Variants in NSMCE2 observed in about 807,000 individuals in gnomAD.
NSMCE2 encodes NSE2 SUMO ligase component of SMC5/6 complex.
A neutral mutation model predicts 23.8 loss-of-function variants in NSMCE2; 24 were observed. The ratio of observed to expected loss-of-function variants is 1.01; its 90% CI spans 0.73 to 1.42. The LOEUF (loss-of-function observed/expected upper bound fraction) is 1.42, where lower values mean the gene tolerates loss of function less well. Ranked by LOEUF, NSMCE2 falls within the 40% of genes most tolerant of loss-of-function variation. NSMCE2 has a pLI of 0.00. For synonymous variants in NSMCE2, 92 were observed against 94.1 expected (o/e 0.98, Z 0.13); for missense variants, 284 against 296.5 (o/e 0.96, Z 0.31).
chr8:125,217,305 C>T (rs1268909252), intron 5 of NSMCE2, among the ~76,000 whole-genome samples: 1 of 151,950 alleles, frequency 6.6e-6, no homozygotes, highest in East Asian at 1.9e-4. Context: ...TAGAGATCTT[C>T]ATAAGAAAAC....
chr8:125,357,886 G>T lies in NSMCE2; in HGVS notation c.626+68G>T, dbSNP rs565470406. ...AGTTACTCAGAGGTGGCGTGTTCACGCTAGAGGAAGAGGCACTTCAATGTC... is the reference window on the plus strand; with the variant it reads ...AGTTACTCAGAGGTGGCGTGTTCACTCTAGAGGAAGAGGCACTTCAATGTC... On this transcript the variant is annotated intron_variant, in intron 7 of 7. Transcript: ENST00000287437. 1.3e-4 allele frequency: 142 copies of T among 1,076,442 alleles called. 1 individual carries two copies. The highest frequency in any genetic ancestry group is 1.3e-3 in the Middle Eastern group (6 of 4,764). The allele number at this position is 1,076,442 out of a possible 1,614,324, so 66.7% of individuals were successfully genotyped here.
At chr8:125,275,196 A>C (rs978071384) in intron 5 of NSMCE2, among the ~76,000 whole-genome samples, 1 of 151,876 alleles carries the variant, frequency 6.6e-6, no homozygotes, top group Non-Finnish European at 1.5e-5. Flanking sequence ...CCATAGGAGA[A>C]TGTCTTTCTC....
At chr8:125,145,559 C>T (rs992170605) in intron 3 of NSMCE2, among the ~76,000 whole-genome samples, 6 of 152,076 alleles carry the variant, frequency 3.9e-5, no homozygotes, top group East Asian at 1.9e-4. Flanking sequence ...ATTTGATTAA[C>T]GAAAGCAAGG....
chr8:125,221,101 G>A (rs1824838265), intron 5 of NSMCE2, among the ~76,000 whole-genome samples: 2 of 152,084 alleles, frequency 1.3e-5, no homozygotes, highest in Non-Finnish European at 2.9e-5. Flanking sequence ...CATTTCCAAG[G>A]CATATAAATG....
chr8:125,355,568 C>T (rs537807584), intron 5 of NSMCE2, among the ~76,000 whole-genome samples: 2 of 152,112 alleles, frequency 1.3e-5, no homozygotes, highest in East Asian at 1.9e-4. Flanking sequence ...GGCATGGTGT[C>T]GTGCACCTAT....
intron 5 of NSMCE2, among the ~76,000 whole-genome samples, chr8:125,299,969 C>T (rs565290221): frequency 5.1e-4 from 77 of 151,624 alleles, no homozygotes; most frequent in Non-Finnish European, 9.4e-4. Flanking sequence ...CAGGTGCACG[C>T]CATCATGCTT....
At chr8:125,279,835 T>G (rs1226445023) in intron 5 of NSMCE2, among the ~76,000 whole-genome samples, 1 of 152,204 alleles carries the variant, frequency 6.6e-6, no homozygotes, top group Non-Finnish European at 1.5e-5. Context: ...CTTTGAGCCT[T>G]AAGTTTGCCC....
chr8:125,217,453 C>G (rs948162732), intron 5 of NSMCE2, among the ~76,000 whole-genome samples: 2 of 152,062 alleles, frequency 1.3e-5, no homozygotes, highest in Non-Finnish European at 2.9e-5. Flanking sequence ...CTCTGCCTCC[C>G]AGGTTCATGC....
Position 125,267,522 on chromosome 8 carries a change from A to T in NSMCE2, c.418+85266A>T, listed in dbSNP as rs75511192. Among the ~76,000 whole-genome samples, 66 of 152,328 alleles carry T rather than the reference A, an allele frequency of 4.3e-4. 1 individual carries two copies. In the East Asian group the frequency reaches 9.6e-3, roughly 22 times the overall value. On this transcript the variant is annotated intron_variant, in intron 5 of 7. Coordinates refer to ENST00000287437, the MANE Select transcript of NSMCE2 (RefSeq NM_173685.4). The stretch of plus-strand genomic sequence containing the variant: ...AGTACTTTGCCAGGCATGGTGGCTT[A>T]CACCTATGATCCTAGCACTTTGGAA...
At chr8:125,208,304 C>T (rs1156814409) in intron 5 of NSMCE2, among the ~76,000 whole-genome samples, 1 of 152,146 alleles carries the variant, frequency 6.6e-6, no homozygotes, top group African/African-American at 2.4e-5. Flanking sequence ...AATAAAACTA[C>T]AGCTGGTTTA....
At chr8:125,154,353 A>G (rs1821197640) in intron 4 of NSMCE2, among the ~76,000 whole-genome samples, 1 of 152,124 alleles carries the variant, frequency 6.6e-6, no homozygotes, top group South Asian at 2.1e-4. Context: ...CCTCAGAGGT[A>G]TGGGTCAACT....
intron 5 of NSMCE2, among the ~76,000 whole-genome samples, chr8:125,198,074 A>G (rs567020998): frequency 6.8e-4 from 104 of 152,204 alleles, no homozygotes; most frequent in Admixed American, 2.0e-4. Context: ...TTATCAGCTT[A>G]AGGAGATTTT....
intron 3 of NSMCE2, among the ~76,000 whole-genome samples, chr8:125,125,953 C>T (rs917684772): frequency 6.6e-6 from 1 of 152,092 alleles, no homozygotes; most frequent in Non-Finnish European, 1.5e-5. Context: ...ATTTTTGTAA[C>T]GAGCAGTAAA....
At chr8:125,131,970 TA>T in intron 3 of NSMCE2, among the ~76,000 whole-genome samples, 1 of 152,342 alleles carries the variant, frequency 6.6e-6, no homozygotes, top group South Asian at 2.1e-4. Context: ...AACAACATTG[TA>T]AAAGCTTTGC....
intron 3 of NSMCE2, among the ~76,000 whole-genome samples, chr8:125,134,351 G>A (rs1441879728): frequency 1.3e-5 from 2 of 152,118 alleles, no homozygotes; most frequent in Non-Finnish European, 2.9e-5. Context: ...AAGTATTATG[G>A]CAAGTCTGAA....
intron 5 of NSMCE2, among the ~76,000 whole-genome samples, chr8:125,288,471 G>GTTGA: frequency 6.6e-6 from 1 of 152,196 alleles, no homozygotes. Flanking sequence ...AGCTATTTCT[G>GTTGA]TTGATTGATT....
chr8:125,355,742 T>A (rs940706446), intron 5 of NSMCE2, among the ~76,000 whole-genome samples: 1 of 151,642 alleles, frequency 6.6e-6, no homozygotes, highest in African/African-American at 2.4e-5. Flanking sequence ...CTTTAACTTC[T>A]GTGCAAAATT....
intron 4 of NSMCE2, among the ~76,000 whole-genome samples, chr8:125,181,390 GAGAT>G (rs956504110): frequency 1.1e-4 from 17 of 152,118 alleles, no homozygotes; most frequent in African/African-American, 2.4e-4. Context: ...AATGGATAGC[GAGAT>G]AGATAGATGA....
intron 5 of NSMCE2, among the ~76,000 whole-genome samples, chr8:125,224,299 C>T (rs1042710291): frequency 3.3e-5 from 5 of 152,120 alleles, no homozygotes; most frequent in Non-Finnish European, 7.3e-5. Context: ...TATGCAGAAG[C>T]GTTTTAGTTT....
Sources: allele counts gnomAD v4.1 joint callset (sites outside exome capture counted in the v4.1 genomes callset), GRCh38; gene constraint gnomAD v4.1.1; transcripts MANE v1.5; gene names NCBI Gene and HGNC (gene_info 2026-07-23, HGNC 2026-07-21).